Variants in CNTN5 observed in about 807,000 individuals in gnomAD.
The protein encoded by CNTN5 is contactin-5.
CNTN5 carries 77 observed loss-of-function variants against 129.1 expected under a neutral mutation model. That is an observed-to-expected ratio of 0.60 (90% confidence interval 0.50 to 0.72). The LOEUF is 0.72. Ranked by LOEUF, CNTN5 falls within the 30% of genes least tolerant of loss-of-function variation. The pLI, the probability that CNTN5 is intolerant of heterozygous loss-of-function variation, is 0.00. For missense variants in CNTN5, 1,478 were observed against 1,328.8 expected (o/e 1.11, Z -1.75); for synonymous variants, 509 against 465.6 (o/e 1.09, Z -1.20).
At chr11:99,052,645 A>C (rs572150765) in intron 1 of CNTN5, among the ~76,000 whole-genome samples, 1 of 152,040 alleles carries the variant, frequency 6.6e-6, no homozygotes, top group East Asian at 1.9e-4. Flanking sequence ...TAAAGTGCTA[A>C]TAAATTGGGA....
chr11:100,271,388 A>C (rs1474890213), intron 18 of CNTN5, 147 bp downstream of exon 18: 1 of 497,442 alleles, frequency 2.0e-6, no homozygotes, highest in Non-Finnish European at 3.3e-6. Context: ...ATTTTCTTTA[A>C]AATAATTATT....
At chr11:99,097,944 A>G (rs920733212) in intron 1 of CNTN5, among the ~76,000 whole-genome samples, 1 of 151,992 alleles carries the variant, frequency 6.6e-6, no homozygotes, top group Non-Finnish European at 1.5e-5. Flanking sequence ...TAAACTAAAA[A>G]CAATTAGGTG....
rs1952525171 is a variant in CNTN5 at position 100,356,361 on chromosome 11, G to A, written c.*141G>A. ...ACTATACATGGTGAACTTACAGGAGGTTAGGGGGGAAATATTACTTATCCA... is the reference window on the plus strand; with the variant it reads ...ACTATACATGGTGAACTTACAGGAGATTAGGGGGGAAATATTACTTATCCA... On this transcript the variant is annotated 3_prime_UTR_variant, in exon 25 of 25. Coordinates refer to ENST00000524871, the MANE Select transcript of CNTN5 (RefSeq NM_014361.4). 2 of 638,782 alleles carry A rather than the reference G, an allele frequency of 3.1e-6. No individual in the cohort carries two copies. The highest frequency in any genetic ancestry group is 5.6e-6 in the Non-Finnish European group (2 of 358,120). The allele number at this position is 638,782 out of a possible 1,614,324, so 39.6% of individuals were successfully genotyped here. A position where few individuals can be genotyped will look rare whatever the true frequency, so the allele number is the denominator to read the frequency against.
intron 1 of CNTN5, among the ~76,000 whole-genome samples, chr11:99,197,642 C>A (rs1858970052): frequency 6.6e-6 from 1 of 152,016 alleles, no homozygotes; most frequent in Non-Finnish European, 1.5e-5. Context: ...AGCTTCACAG[C>A]AAGAATGTCA....
rs1946897031 is a variant in CNTN5, at chr11:100,147,632, G to A, written c.1581-43494G>A. Among the ~76,000 whole-genome samples, 5 of 152,094 alleles carry A rather than the reference G, an allele frequency of 3.3e-5. No homozygotes were observed. In the South Asian group the frequency reaches 6.2e-4, roughly 19 times the overall value. On this transcript the variant is annotated intron_variant, in intron 13 of 24. Transcript: ENST00000524871. ...TATATTTTTTTGTCAAAAAAAATGC[G>A]TGTATTTGTGTGTGTGTGTGTGTAT... is the stretch of plus-strand genomic sequence containing the variant.
chr11:100,073,633 T>C (rs1944015920), intron 12 of CNTN5, among the ~76,000 whole-genome samples: 1 of 151,910 alleles, frequency 6.6e-6, no homozygotes, highest in South Asian at 2.1e-4. Context: ...AATTGCTAAT[T>C]GAAATTCAAA....
intron 3 of CNTN5, among the ~76,000 whole-genome samples, chr11:99,639,077 C>G (rs1401463849): frequency 1.3e-5 from 2 of 152,248 alleles, no homozygotes; most frequent in African/African-American, 4.8e-5. Context: ...CTTCTGAAAT[C>G]TAGGCAAAGG....
Position 99,421,164 on chromosome 11 carries a change from A to T in CNTN5, c.-71+95680A>T, listed in dbSNP as rs566056322. ...TTTTTTTTTTTTCCGCCTAATAAAT[A>T]TTCATAGAGTACCTACTGTGTGCTA... On this transcript the variant is annotated intron_variant, in intron 2 of 24. Transcript: ENST00000524871. Among the ~76,000 whole-genome samples, 22 of 147,402 alleles carry T rather than the reference A, an allele frequency of 1.5e-4. No individual in the cohort carries two copies. The South Asian group carries it at 4.4e-3, about 30-fold the overall frequency.
intron 1 of CNTN5, among the ~76,000 whole-genome samples, chr11:99,060,176 T>C (rs1864815892): frequency 6.6e-6 from 1 of 151,958 alleles, no homozygotes; most frequent in Non-Finnish European, 1.5e-5. Context: ...AAATAAGCTG[T>C]TGGTTAGGAA....
At chr11:99,497,068 A>C (rs1946253401) in intron 2 of CNTN5, among the ~76,000 whole-genome samples, 1 of 152,180 alleles carries the variant, frequency 6.6e-6, no homozygotes, top group Non-Finnish European at 1.5e-5. Context: ...CACAGCCTTG[A>C]GGATTGAAAG....
At chr11:100,092,269 CTAAAT>C (rs1428904232) in intron 13 of CNTN5, among the ~76,000 whole-genome samples, 1 of 152,072 alleles carries the variant, frequency 6.6e-6, no homozygotes, top group African/African-American at 2.4e-5. Flanking sequence ...AGAACTATCA[CTAAAT>C]TAAAAAGAAA....
intron 3 of CNTN5, among the ~76,000 whole-genome samples, chr11:99,771,747 A>G (rs115804914): frequency 0.011 from 1,717 of 152,102 alleles, 34 homozygotes; most frequent in African/African-American, 0.039. Flanking sequence ...AAGGTTAATA[A>G]TGCCGTATTG....
chr11:100,030,366 C>A (rs537549192), intron 9 of CNTN5, among the ~76,000 whole-genome samples: 1 of 152,226 alleles, frequency 6.6e-6, no homozygotes, highest in South Asian at 2.1e-4. Context: ...CAGAGCAAGA[C>A]CTTGTCTATA....
intron 3 of CNTN5, among the ~76,000 whole-genome samples, chr11:99,649,319 T>A (rs1445821340): frequency 1.3e-5 from 2 of 151,760 alleles, no homozygotes; most frequent in Non-Finnish European, 3.0e-5. Context: ...ACCATTTAGT[T>A]TTATCCTGAT....
At chr11:99,838,130 C>G (rs1206815395) in intron 4 of CNTN5, among the ~76,000 whole-genome samples, 1 of 151,972 alleles carries the variant, frequency 6.6e-6, no homozygotes, top group East Asian at 1.9e-4. Flanking sequence ...ATCTAGGATA[C>G]AAATTTACGG....
intron 2 of CNTN5, among the ~76,000 whole-genome samples, chr11:99,368,715 A>C (rs1939620290): frequency 6.6e-6 from 1 of 152,174 alleles, no homozygotes; most frequent in Non-Finnish European, 1.5e-5. Flanking sequence ...GAAGGAAAAC[A>C]ACTTGTTCTA....
At chr11:99,777,258 G>A (rs1945155042) in intron 3 of CNTN5, among the ~76,000 whole-genome samples, 1 of 151,734 alleles carries the variant, frequency 6.6e-6, no homozygotes, top group African/African-American at 2.4e-5. Flanking sequence ...TTTTAAAATA[G>A]CGCAATGACA....
chr11:100,040,404 T>A (rs1026307383), intron 9 of CNTN5, among the ~76,000 whole-genome samples: 3 of 152,218 alleles, frequency 2.0e-5, no homozygotes, highest in African/African-American at 7.2e-5. Context: ...CCAGTTAGGC[T>A]ACTCGGGGGT....
At chr11:99,096,209 T>C (rs1866462307) in intron 1 of CNTN5, among the ~76,000 whole-genome samples, 1 of 151,894 alleles carries the variant, frequency 6.6e-6, no homozygotes, top group Admixed American at 6.6e-5. Context: ...GAAAAATAAT[T>C]GGTTTTAGAT....
Sources: gnomAD v4.1 joint callset for allele counts (sites outside exome capture counted in the v4.1 genomes callset) on GRCh38, gnomAD v4.1.1 for gene constraint, MANE v1.5 for transcripts, NCBI Gene and HGNC (gene_info 2026-07-23, HGNC 2026-07-21) for gene names.